Variants in KDM6B observed in about 807,000 individuals in gnomAD.
KDM6B encodes lysine-specific demethylase 6B.
In KDM6B, 22 loss-of-function variants were observed where a neutral mutation model predicts 150.4. The ratio of observed to expected loss-of-function variants is 0.15; its 90% confidence interval spans 0.10 to 0.21. The LOEUF (loss-of-function observed/expected upper bound fraction) is 0.21, where lower values mean the gene tolerates loss of function less well. Among genes scored for constraint, KDM6B ranks in the 10% least tolerant of loss-of-function variants. The probability of loss-of-function intolerance (pLI) is 1.00; values close to 1 mark genes in which losing one functional copy is unlikely to be tolerated. For synonymous variants in KDM6B, 1,148 were observed against 921.1 expected (o/e 1.25, Z -4.46); for missense variants, 1,984 against 2,234.3 (o/e 0.89, Z 2.26).
At position 7,853,059 on chromosome 17, in the gene KDM6B, C is replaced by T. The variant is rs1456311012; in HGVS notation, c.4670C>T (p.Ala1557Val). Residue 1557 changes from alanine (A) to valine (V), a missense_variant, in exon 22 of 24, where the codon GCA (alanine) becomes GTA (valine). Ala to Val is a moderately conservative substitution (Grantham distance 64). This residue lies in a region of KDM6B where 18 missense variants were observed against 23.6 expected (regional missense o/e 0.76). Coordinates refer to ENST00000448097, the MANE Select transcript of KDM6B (RefSeq NM_001348716.2). ...GTGCAACGCGAGAGCCTGGTGCGGG[C>T]AGGGAAGAAAATCGCTTACCAGGGC... The part of the protein sequence containing the change: ...CQVQRESLVR[A>V]GKKIAYQGRV... 7 of 1,614,100 alleles carry T rather than the reference C, an allele frequency of 4.3e-6. No homozygotes were observed. Among genetic ancestry groups the T allele is most frequent in the Non-Finnish European group, 5.1e-6 (6 of 1,180,024 alleles).
rs751125984 is a variant in KDM6B, at chr17:7,847,235, A to T, written c.1040A>T (p.His347Leu). The change falls in exon 11 of 24, where the codon CAT (histidine) becomes CTT (leucine). Residue 347 changes from histidine (H) to leucine (L), a missense_variant. Transcript: ENST00000448097. ...CCCCGCCCCCCAGGAGCAGAGAGCC[A>T]TGGCTGCCTGCCTGCCACCCGTCCC... ...PGPRPPGAES[H>L]GCLPATRPPG... is the part of the protein sequence containing the mutation. 4.1e-6 allele frequency: 5 copies of T among 1,217,044 alleles called. No individual in the cohort carries two copies. The highest frequency in any genetic ancestry group is 2.0e-5 in the Admixed American group (1 of 50,798). The allele number at this position is 1,217,044 out of a possible 1,614,324, so 75.4% of individuals were successfully genotyped here.
At chr17:7,834,628 C>T (rs1029258272) in intron 1 of KDM6B, among the ~76,000 whole-genome samples, 10 of 134,308 alleles carry the variant, frequency 7.4e-5, no homozygotes, top group Non-Finnish European at 1.7e-4. Flanking sequence ...CTTCCCGACT[C>T]CAGGGCGGGG....
Position 7,851,493 on chromosome 17 carries a change from G to A in KDM6B, c.3960G>A (p.Pro1320=), listed in dbSNP as rs760637669. 1 of 1,614,150 alleles carries A rather than the reference G, an allele frequency of 6.2e-7. No homozygotes were observed. The highest frequency in any genetic ancestry group is 8.5e-7 in the Non-Finnish European group (1 of 1,180,040). Residue 1320 remains proline (P), a synonymous_variant, in exon 17 of 24, where the codon CCG becomes CCA. Coordinates refer to ENST00000448097, the MANE Select transcript of KDM6B (RefSeq NM_001348716.2). ...GCCCCAGCAGCAGCGCACCAGACCC[G>A]AAGAACCATCACATCATCAAGTTTG... The part of the protein sequence containing the change: ...TGTPPSSAPD[P]KNHHIIKFGT...
Position 7,847,831 on chromosome 17 carries a change from G to GGCCCC in KDM6B, c.1543_1544insGCCCC (p.Ala515GlyfsTer69). The GGCCCC allele has an allele frequency of 1.1e-6, 1 of 880,400 alleles. No homozygotes were observed. The highest frequency in any genetic ancestry group is 1.5e-6 in the Non-Finnish European group (1 of 676,910). The allele number at this position is 880,400 out of a possible 1,614,324, so 54.5% of individuals were successfully genotyped here. ...TGGGACTGAGGGACCCCCCCGCCCT[G>GGCCCC]CCCCACCACCCCTCCCCCATCGCGA... On this transcript the variant is annotated frameshift_variant, in exon 12 of 24. Transcript: ENST00000448097. LOFTEE classifies it high-confidence loss of function.
At position 7,846,385 on chromosome 17, in the gene KDM6B, T is replaced by TCCCCCCCCCCCCCCCC; in HGVS notation, c.457-9_457-8insCCCCCCCCCCCCCCCC. 1 of 527,622 alleles carries TCCCCCCCCCCCCCCCC rather than the reference T, an allele frequency of 1.9e-6. No individual in the cohort carries two copies. Among genetic ancestry groups the TCCCCCCCCCCCCCCCC allele is most frequent in the Admixed American group, 2.3e-5 (1 of 44,276 alleles). 32.7% of individuals were successfully genotyped at this position (527,622 alleles called of 1,614,324 possible). On this transcript the variant is annotated splice_polypyrimidine_tract_variant and intron_variant, in intron 7 of 23. Coordinates refer to ENST00000448097, the MANE Select transcript of KDM6B (RefSeq NM_001348716.2). ...ACCTGACATCTGCCCCTGCCCCGTG[T>TCCCCCCCCCCCCCCCC]CCCCCCACCCCCAGGCCCAGCTCTG...
In KDM6B at chr17:7,843,871, G is replaced by A. The variant is rs958897714; in HGVS notation, c.-268-1030G>A. 1.3e-5 allele frequency among the ~76,000 whole-genome samples: 2 copies of A among 152,176 alleles called. No individual in the cohort carries two copies. On this transcript the variant is annotated intron_variant, in intron 2 of 23. Transcript: ENST00000448097. This position sits in a 1 kb window ranked among gnomAD's most constrained non-coding sequence, Gnocchi z 4.5. ...CGAGAAGGAAGAGCTGGGGCTAAAG[G>A]GAAGGTGCCCAAGAGAGGGGAGCGC...
chr17:7,846,757 G>A lies in KDM6B; in HGVS notation c.711+17G>A. 1 of 1,613,934 alleles carries A rather than the reference G, an allele frequency of 6.2e-7. No homozygotes were observed. Among genetic ancestry groups the A allele is most frequent in the Non-Finnish European group, 8.5e-7 (1 of 1,179,934 alleles). On this transcript the variant is annotated intron_variant, in intron 9 of 23. Coordinates refer to ENST00000448097, the MANE Select transcript of KDM6B (RefSeq NM_001348716.2). Reference sequence around the variant, plus strand: ...TCTGAACAGGTGTGGGTATAGGGGGGCCAGCAGGCAGTAAGTAGGCAGGAC... The same window carrying A: ...TCTGAACAGGTGTGGGTATAGGGGGACCAGCAGGCAGTAAGTAGGCAGGAC...
chr17:7,848,215 G>A lies in KDM6B; in HGVS notation c.1927G>A (p.Gly643Arg). ...CCCAAAGACCCCCGAGGTGGGGCCG[G>A]GGCCACCCCCAGGCCCCCTGAGTAA... is the stretch of plus-strand genomic sequence containing the variant. ...SFPKTPEVGP[G>R]PPPGPLSKAP... The change falls in exon 12 of 24, where the codon GGG (glycine) becomes AGG (arginine). Residue 643 changes from glycine (G) to arginine (R), a missense_variant. Coordinates refer to ENST00000448097, the MANE Select transcript of KDM6B (RefSeq NM_001348716.2). 1 of 1,611,012 alleles carries A rather than the reference G, an allele frequency of 6.2e-7. No homozygotes were observed. Among genetic ancestry groups the A allele is most frequent in the Non-Finnish European group, 8.5e-7 (1 of 1,178,692 alleles).
chr17:7,848,616 A>G lies in KDM6B; in HGVS notation c.2328A>G (p.Pro776=). ...AGAAGAAGCCACCACCAGCCCTACC[A>G]CCACCACCGCCTCTAGCCAAGTTCC... ...EEEKKPPPAL[P]PPPPLAKFPP... is the part of the protein sequence containing the mutation. Residue 776 remains proline (P), a synonymous_variant, in exon 12 of 24, where the codon CCA becomes CCG. Transcript: ENST00000448097. The G allele has an allele frequency of 3.1e-6, 5 of 1,589,414 alleles. No homozygotes were observed. The highest frequency in any genetic ancestry group is 4.3e-6 in the Non-Finnish European group (5 of 1,169,192).
At position 7,847,973 on chromosome 17, in the gene KDM6B, G is replaced by A. The variant is rs2078598498; in HGVS notation, c.1685G>A (p.Ser562Asn). 5.0e-6 allele frequency: 8 copies of A among 1,610,242 alleles called. No individual in the cohort carries two copies. The highest frequency in any genetic ancestry group is 6.8e-6 in the Non-Finnish European group (8 of 1,179,060). Reference protein sequence around the residue: ...SSSNSNSGSHSSSPAGPVSFP... With the variant: ...SSSNSNSGSHNSSPAGPVSFP... Reference sequence around the variant, plus strand: ...AGCAACAGCAACAGTGGCAGCCACAGCAGCAGCCCTGCTGGGCCTGTGTCC... The same window carrying A: ...AGCAACAGCAACAGTGGCAGCCACAACAGCAGCCCTGCTGGGCCTGTGTCC... Residue 562 changes from serine (S) to asparagine (N), a missense_variant, in exon 12 of 24, where the codon AGC becomes AAC. Transcript: ENST00000448097.
In KDM6B at chr17:7,845,681, C is replaced by T. The variant is rs2078517721; in HGVS notation, c.127C>T (p.Pro43Ser). 1.2e-6 allele frequency: 2 copies of T among 1,614,012 alleles called. No individual in the cohort carries two copies. The highest frequency in any genetic ancestry group is 1.3e-5 in the African/African-American group (1 of 74,916). Residue 43 changes from proline (P) to serine (S), a missense_variant, in exon 5 of 24, where the codon CCT (proline) becomes TCT (serine). Physicochemically the swap from Pro to Ser is moderately conservative, Grantham distance 74. Transcript: ENST00000448097. ...PHPPPRSAWL[P>S]GGRCSASIGQ... ...TCCCCCTCCTCGTAGCGCATGGCTG[C>T]CTGGAGGCAGGTGAGAAGTTGGGGC...
rs2078767578 is a variant in KDM6B at position 7,854,304 on chromosome 17, TTC to T, written c.*786_*787del. On this transcript the variant is annotated 3_prime_UTR_variant, in exon 24 of 24. Coordinates refer to ENST00000448097, the MANE Select transcript of KDM6B (RefSeq NM_001348716.2). ...GCTCCCCTCCCCTACGTCCTGCACT[TTC>T]TCGGACCAGTCCCCCCACTCCCGAC... 6.6e-6 allele frequency: 1 copy of T among 152,514 alleles called. No homozygotes were observed. The highest frequency in any genetic ancestry group is 6.5e-5 in the Admixed American group (1 of 15,278). 9.4% of individuals were successfully genotyped at this position (152,514 alleles called of 1,614,324 possible). A position where few individuals can be genotyped will look rare whatever the true frequency, so the allele number is the denominator to read the frequency against.
chr17:7,845,486 G>A, intron 4 of KDM6B, 30 bp downstream of exon 4: 1 of 1,599,346 alleles, frequency 6.3e-7, no homozygotes, highest in Non-Finnish European at 8.6e-7. Flanking sequence ...CGAGCTGGCT[G>A]GATGTACACT....
At position 7,842,254 on chromosome 17, in the gene KDM6B, G is replaced by A. The variant is rs185070194; in HGVS notation, c.-269+2230G>A. On this transcript the variant is annotated intron_variant, in intron 2 of 23. Coordinates refer to ENST00000448097, the MANE Select transcript of KDM6B (RefSeq NM_001348716.2). ...GGTAGGGGGTCGGTTAAAGTCCCGA[G>A]TCCAGGGCCCGGATGGAGGGGGCGG... 9.3e-4 allele frequency among the ~76,000 whole-genome samples: 141 copies of A among 152,294 alleles called. 1 individual carries two copies. In the East Asian group the frequency reaches 0.024, roughly 26 times the overall value.
In KDM6B at chr17:7,847,426, C is replaced by G. The variant is rs377714300; in HGVS notation, c.1231C>G (p.Arg411Gly). The G allele has an allele frequency of 3.1e-6, 5 of 1,613,510 alleles. No homozygotes were observed. The highest frequency in any genetic ancestry group is 4.2e-6 in the Non-Finnish European group (5 of 1,179,956). The change falls in exon 11 of 24, where the codon CGG (arginine) becomes GGG (glycine). Residue 411 changes from arginine (R) to glycine (G), a missense_variant. Coordinates refer to ENST00000448097, the MANE Select transcript of KDM6B (RefSeq NM_001348716.2). ...SSSSSSNTGL[R>G]GVEPNPGIPG... ...TAGCAGCAGCAGCAACACTGGTCTCCGGGGCGTGGAGCCGAACCCAGGCAT... is the reference window on the plus strand; with the variant it reads ...TAGCAGCAGCAGCAACACTGGTCTCGGGGGCGTGGAGCCGAACCCAGGCAT...
rs749448352 is a variant in KDM6B at position 7,848,114 on chromosome 17, C to T, written c.1826C>T (p.Ala609Val). The T allele has an allele frequency of 3.1e-6, 5 of 1,612,986 alleles. No individual in the cohort carries two copies. The highest frequency in any genetic ancestry group is 4.2e-6 in the Non-Finnish European group (5 of 1,179,778). The change falls in exon 12 of 24, where the codon GCC (alanine) becomes GTC (valine). Residue 609 changes from alanine (A) to valine (V), a missense_variant. Ala to Val is a moderately conservative substitution (Grantham distance 64). This residue lies in a region of KDM6B where 1,379 missense variants were observed against 1,275.6 expected (regional missense o/e 1.08). Coordinates refer to ENST00000448097, the MANE Select transcript of KDM6B (RefSeq NM_001348716.2). ...LVPLTLALPP[A>V]PPSSCHQNTS... is the part of the protein sequence containing the mutation. ...CCCCTGACTCTTGCCCTGCCTCCAG[C>T]CCCTCCTTCCTCCTGCCACCAAAAT...
Position 7,851,810 on chromosome 17 carries a change from C to G in KDM6B, c.4165+14C>G, listed in dbSNP as rs764906318. ...GCCGAACGCCAGGTGCGCTCCACGC[C>G]TGTGCGCGCTGATGCTGGAAGCGCG... is the stretch of plus-strand genomic sequence containing the variant. On this transcript the variant is annotated intron_variant, in intron 18 of 23. Coordinates refer to ENST00000448097, the MANE Select transcript of KDM6B (RefSeq NM_001348716.2). 6.4e-6 allele frequency: 10 copies of G among 1,556,150 alleles called. No homozygotes were observed. The East Asian group carries it at 1.7e-4, about 26-fold the overall frequency.
rs986923366 is a variant in KDM6B at position 7,838,102 on chromosome 17, G to A, written c.-387-1804G>A. ...TTCTTGATTTTGAAGCAAGACCCCAGCCCCCTCCCGTGTTGATCTCTGGAG... is the reference window on the plus strand; with the variant it reads ...TTCTTGATTTTGAAGCAAGACCCCAACCCCCTCCCGTGTTGATCTCTGGAG... On this transcript the variant is annotated intron_variant, in intron 1 of 23. Coordinates refer to ENST00000448097, the MANE Select transcript of KDM6B (RefSeq NM_001348716.2). Among the ~76,000 whole-genome samples the A allele has an allele frequency of 5.3e-5, 8 of 150,234 alleles. No homozygotes were observed. The South Asian group carries it at 1.3e-3, about 24-fold the overall frequency.
At chr17:7,835,603 G>A (rs1361340121) in intron 1 of KDM6B, among the ~76,000 whole-genome samples, 1 of 152,106 alleles carries the variant, frequency 6.6e-6, no homozygotes, top group Non-Finnish European at 1.5e-5. Flanking sequence ...CCGCTCCAGC[G>A]GTCGGCCCTG....
Sources: allele counts gnomAD v4.1 joint callset (sites outside exome capture counted in the v4.1 genomes callset), GRCh38; gene constraint gnomAD v4.1.1; regional missense constraint gnomAD v4.1.1; non-coding constraint Gnocchi (gnomAD v3.1); transcripts MANE v1.5; gene names NCBI Gene and HGNC (gene_info 2026-07-23, HGNC 2026-07-21).